The following RCBTB2 variants were observed in gnomAD, a reference collection of about 807,000 sequenced individuals.
RCBTB2 encodes RCC1 and BTB domain-containing protein 2.
Under a neutral mutation model 65.4 loss-of-function variants are expected in RCBTB2, and 55 were observed. That is an observed-to-expected ratio of 0.84 (90% CI 0.68 to 1.05). The LOEUF is 1.05. Ranked by LOEUF, RCBTB2 falls within the 50% of genes least tolerant of loss-of-function variation. The pLI is 0.00. For missense variants in RCBTB2, 599 were observed against 680.1 expected (o/e 0.88, Z 1.33); for synonymous variants, 220 against 255.2 (o/e 0.86, Z 1.31).
intron 11 of RCBTB2, among the ~76,000 whole-genome samples, chr13:48,502,140 T>A (rs1475240024): frequency 6.6e-6 from 1 of 151,510 alleles, no homozygotes; most frequent in East Asian, 1.9e-4. Flanking sequence ...TTTTAAACAT[T>A]TGAGTAAATA....
At chr13:48,520,685 G>C (rs1415460615) in intron 4 of RCBTB2, among the ~76,000 whole-genome samples, 7 of 152,178 alleles carry the variant, frequency 4.6e-5, no homozygotes, top group African/African-American at 1.7e-4. Flanking sequence ...CTTTGAGTGT[G>C]TGATACCTGT....
intron 10 of RCBTB2, among the ~76,000 whole-genome samples, chr13:48,505,231 A>G (rs1221055166): frequency 6.6e-6 from 1 of 152,162 alleles, no homozygotes; most frequent in Non-Finnish European, 1.5e-5. Context: ...AAGTGATAAA[A>G]TGTTAAGTGC....
chr13:48,504,465 C>G, intron 10 of RCBTB2: 1 of 464,558 alleles, frequency 2.2e-6, no homozygotes, highest in Non-Finnish European at 2.8e-6. Flanking sequence ...TTCTTTCTCT[C>G]TGCCTTACAA....
chr13:48,493,516 G>A (rs1055714268), intron 14 of RCBTB2, among the ~76,000 whole-genome samples: 1 of 151,712 alleles, frequency 6.6e-6, no homozygotes, highest in African/African-American at 2.4e-5. Flanking sequence ...TATGGACTCT[G>A]CAGGCCCTGC....
At chr13:48,530,832 T>G (rs1451777192) in intron 1 of RCBTB2, among the ~76,000 whole-genome samples, 1 of 152,232 alleles carries the variant, frequency 6.6e-6, no homozygotes, top group East Asian at 1.9e-4. Flanking sequence ...AAAAAATGTT[T>G]TTTCACCTAT....
At chr13:48,516,323 TTTG>T (rs1432406493) in intron 4 of RCBTB2, among the ~76,000 whole-genome samples, 5 of 150,614 alleles carry the variant, frequency 3.3e-5, no homozygotes, top group African/African-American at 1.2e-4. Context: ...CGTGTACTTG[TTTG>T]TTAAGGCAGC....
At chr13:48,516,819 G>A (rs1408332961) in intron 4 of RCBTB2, among the ~76,000 whole-genome samples, 1 of 152,166 alleles carries the variant, frequency 6.6e-6, no homozygotes, top group African/African-American at 2.4e-5. Flanking sequence ...TGCTACTTAG[G>A]AGGCATTTTT....
chr13:48,526,575 C>T (rs1203711749), intron 1 of RCBTB2, among the ~76,000 whole-genome samples: 1 of 151,970 alleles, frequency 6.6e-6, no homozygotes, highest in Non-Finnish European at 1.5e-5. Flanking sequence ...TATGATCGCA[C>T]CACTGCACAT....
At chr13:48,532,094 T>C (rs1323628643) in intron 1 of RCBTB2, 1 of 152,240 alleles carries the variant, frequency 6.6e-6, no homozygotes, top group African/African-American at 2.4e-5. Context: ...GAAATGCGTT[T>C]TGTTATAGTC....
Position 48,499,763 on chromosome 13 carries a change from G to C in RCBTB2, c.1245-3C>G. On this transcript the variant is annotated splice_polypyrimidine_tract_variant and splice_region_variant and intron_variant, in intron 12 of 14. Coordinates refer to ENST00000344532, the MANE Select transcript of RCBTB2 (RefSeq NM_001268.4). ...ATGACGAACGAAAATGCTCACATCTGAAGGAAAAAAGCAGTATGTCAGGTC... is the reference window on the plus strand; with the variant it reads ...ATGACGAACGAAAATGCTCACATCTCAAGGAAAAAAGCAGTATGTCAGGTC... The C allele has an allele frequency of 6.2e-7, 1 of 1,613,756 alleles. No homozygotes were observed. The highest frequency in any genetic ancestry group is 8.5e-7 in the Non-Finnish European group (1 of 1,179,864).
At chr13:48,521,367 G>A (rs563543828) in intron 4 of RCBTB2, among the ~76,000 whole-genome samples, 2 of 152,308 alleles carry the variant, frequency 1.3e-5, no homozygotes, top group Admixed American at 1.3e-4. Context: ...CAGATATTAT[G>A]TAAATTTAAC....
Position 48,489,916 on chromosome 13 carries a change from C to T in RCBTB2, c.*195G>A. The T allele has an allele frequency of 1.6e-6, 1 of 627,892 alleles. No individual in the cohort carries two copies. The highest frequency in any genetic ancestry group is 2.8e-5 in the East Asian group (1 of 35,910). 38.9% of individuals were successfully genotyped at this position (627,892 alleles called of 1,614,324 possible). A position where few individuals can be genotyped will look rare whatever the true frequency, so the allele number is the denominator to read the frequency against. On this transcript the variant is annotated 3_prime_UTR_variant, in exon 15 of 15. Transcript: ENST00000344532. ...TTCCTTGACCTTAGTCACATCTGAT[C>T]AGAACATTCAATGCTTTCTACATAA...
At chr13:48,517,945 G>A (rs1260089369) in intron 4 of RCBTB2, among the ~76,000 whole-genome samples, 3 of 151,866 alleles carry the variant, frequency 2.0e-5, no homozygotes, top group Admixed American at 6.5e-5. Flanking sequence ...AAAAGAAGAC[G>A]AGAGGGCACA....
intron 4 of RCBTB2, 91 bp downstream of exon 4, chr13:48,521,807 T>C (rs1951441075): frequency 2.6e-6 from 3 of 1,168,274 alleles, no homozygotes; most frequent in Non-Finnish European, 1.3e-6. Flanking sequence ...AGTATCTCAT[T>C]GATTTTCCTA....
upstream of RCBTB2, among the ~76,000 whole-genome samples, chr13:48,535,010 C>T (rs903781511): frequency 1.3e-5 from 2 of 152,256 alleles, no homozygotes; most frequent in Non-Finnish European, 2.9e-5. Context: ...GTCTTCCTTA[C>T]AGTCTCAAGG....
intron 4 of RCBTB2, among the ~76,000 whole-genome samples, chr13:48,519,746 G>A (rs886255279): frequency 6.6e-6 from 1 of 152,172 alleles, no homozygotes; most frequent in African/African-American, 2.4e-5. Flanking sequence ...TGAATACATT[G>A]CTTTTAATTT....
At position 48,504,578 on chromosome 13, in the gene RCBTB2, G is replaced by T. The variant is rs1228393301; in HGVS notation, c.927-1664C>A. ...TTCCTGTCCACACCATTCCAGCCTG[G>T]CCCTGTTACTTTATGCATCCGTTTC... On this transcript the variant is annotated intron_variant, in intron 10 of 14. Transcript: ENST00000344532. Among the ~76,000 whole-genome samples the T allele has an allele frequency of 3.3e-5, 5 of 152,140 alleles. No homozygotes were observed. The South Asian group carries it at 1.0e-3, about 31-fold the overall frequency.
At chr13:48,501,524 A>G (rs1442438727) in intron 12 of RCBTB2, among the ~76,000 whole-genome samples, 1 of 152,126 alleles carries the variant, frequency 6.6e-6, no homozygotes. Flanking sequence ...GCCACTTTTC[A>G]AGCCTAAGGA....
chr13:48,530,498 T>C (rs1006588492), intron 1 of RCBTB2, among the ~76,000 whole-genome samples: 1 of 152,258 alleles, frequency 6.6e-6, no homozygotes, highest in African/African-American at 2.4e-5. Flanking sequence ...GATTGAAATT[T>C]AGTTAGGTCT....
Sources: gnomAD v4.1 joint callset for allele counts (sites outside exome capture counted in the v4.1 genomes callset) on GRCh38, gnomAD v4.1.1 for gene constraint, MANE v1.5 for transcripts, NCBI Gene and HGNC (gene_info 2026-07-23, HGNC 2026-07-21) for gene names.